EPHB2: variants seen among roughly 807,000 people sequenced by gnomAD.
EPHB2 encodes ephrin type-B receptor 2.
Under a neutral mutation model 96.4 loss-of-function variants are expected in EPHB2, and 18 were observed. The observed-to-expected ratio is 0.19, with a 90% CI of 0.13 to 0.28. The LOEUF (loss-of-function observed/expected upper bound fraction) is 0.28. EPHB2 is among the 10% of genes least tolerant of loss of function. The pLI is 1.00. For synonymous variants in EPHB2, 506 were observed against 534.1 expected (o/e 0.95, Z 0.72); for missense variants, 989 against 1,355.4 (o/e 0.73, Z 4.25).
chr1:22,891,415 A>G (rs1049271156), intron 6 of EPHB2: 32 of 351,300 alleles, frequency 9.1e-5, no homozygotes, highest in African/African-American at 6.6e-4. Context: ...CAGGAGCTTC[A>G]TGATCTTCAA....
chr1:22,802,986 G>A (rs997626899), intron 3 of EPHB2, among the ~76,000 whole-genome samples: 1 of 152,128 alleles, frequency 6.6e-6, no homozygotes, highest in Non-Finnish European at 1.5e-5. Flanking sequence ...GGACCCACTG[G>A]GGAGACTAGG....
intron 1 of EPHB2, among the ~76,000 whole-genome samples, chr1:22,712,112 A>G (rs534729885): frequency 1.3e-5 from 2 of 152,346 alleles, no homozygotes; most frequent in Non-Finnish European, 2.9e-5. Context: ...TTGACAAGGT[A>G]CTTTAAGCTT....
At position 22,880,659 on chromosome 1, in the gene EPHB2, T is replaced by TC. The variant is rs1452873267; in HGVS notation, c.1304-1695dup. On this transcript the variant is annotated intron_variant, in intron 5 of 15. Transcript: ENST00000374630. ...TGCAGACCTGGGTCCAAATCCCGGCTCCCCCACTGACTGTGTGATCTCAGG... is the reference window on the plus strand; with the variant it reads ...TGCAGACCTGGGTCCAAATCCCGGCTCCCCCCACTGACTGTGTGATCTCAGG... Among the ~76,000 whole-genome samples, 5 of 152,200 alleles carry TC rather than the reference T, an allele frequency of 3.3e-5. No homozygotes were observed. The East Asian group carries it at 9.7e-4, about 29-fold the overall frequency.
chr1:22,871,347 A>G (rs575885545), intron 5 of EPHB2, among the ~76,000 whole-genome samples: 1 of 152,230 alleles, frequency 6.6e-6, no homozygotes, highest in African/African-American at 2.4e-5. Flanking sequence ...GCCCCCTGTA[A>G]TTAACAGGGT....
At chr1:22,877,728 C>G (rs558660020) in intron 5 of EPHB2, among the ~76,000 whole-genome samples, 27 of 152,342 alleles carry the variant, frequency 1.8e-4, no homozygotes, top group Admixed American at 8.5e-4. Flanking sequence ...GCTCCTGGCT[C>G]TAGTCCAGCT....
intron 3 of EPHB2, among the ~76,000 whole-genome samples, chr1:22,828,227 G>A (rs1437889034): frequency 6.6e-6 from 1 of 152,152 alleles, no homozygotes; most frequent in African/African-American, 2.4e-5. Flanking sequence ...ACCACCAGGG[G>A]CTGAGCTCCT....
chr1:22,767,929 A>G (rs1261193507), intron 1 of EPHB2, among the ~76,000 whole-genome samples: 1 of 152,214 alleles, frequency 6.6e-6, no homozygotes, highest in Admixed American at 6.5e-5. Flanking sequence ...CCTGAGAAAC[A>G]TCGACATGCG....
intron 5 of EPHB2, among the ~76,000 whole-genome samples, chr1:22,870,697 C>A (rs1049086654): frequency 6.6e-6 from 1 of 152,192 alleles, no homozygotes; most frequent in Non-Finnish European, 1.5e-5. Context: ...CGGACACAGC[C>A]TAAGCCCTTT....
At chr1:22,772,084 C>T (rs998997542) in intron 1 of EPHB2, among the ~76,000 whole-genome samples, 5 of 151,940 alleles carry the variant, frequency 3.3e-5, no homozygotes, top group Non-Finnish European at 7.4e-5. Context: ...CCAGCAACCC[C>T]GTCCCAGACC....
intron 3 of EPHB2, among the ~76,000 whole-genome samples, chr1:22,854,071 C>T (rs1450114979): frequency 3.3e-5 from 5 of 152,182 alleles, no homozygotes; most frequent in East Asian, 1.9e-4. Flanking sequence ...TGGGAGCTAC[C>T]GGCCCTGAGG....
intron 14 of EPHB2, 76 bp downstream of exon 14, chr1:22,910,651 C>G: frequency 6.5e-7 from 1 of 1,545,276 alleles, no homozygotes; most frequent in Admixed American, 1.8e-5. Flanking sequence ...GCCCCCACTT[C>G]AGGCAAATGC....
intron 1 of EPHB2, among the ~76,000 whole-genome samples, chr1:22,725,507 G>A (rs1185050315): frequency 1.3e-5 from 2 of 151,860 alleles, no homozygotes; most frequent in Admixed American, 6.6e-5. Context: ...TTCTCCCCCC[G>A]AGACTCCCTT....
chr1:22,785,282 A>T (rs947485279), intron 3 of EPHB2, among the ~76,000 whole-genome samples: 5 of 152,240 alleles, frequency 3.3e-5, no homozygotes, highest in African/African-American at 1.2e-4. Flanking sequence ...CGATCCGCGC[A>T]CATGCCGCAG....
At chr1:22,911,053 T>C (rs973243863) in intron 14 of EPHB2, among the ~76,000 whole-genome samples, 1 of 151,898 alleles carries the variant, frequency 6.6e-6, no homozygotes, top group African/African-American at 2.4e-5. Context: ...GGCAGGAGAA[T>C]CGCTTGAACC....
chr1:22,748,678 C>T (rs1044720678), intron 1 of EPHB2, among the ~76,000 whole-genome samples: 1 of 151,612 alleles, frequency 6.6e-6, no homozygotes, highest in Middle Eastern at 3.4e-3. Flanking sequence ...CTGCGCCCAG[C>T]TCTGGGTCCT....
At chr1:22,749,884 A>T (rs1024998157) in intron 1 of EPHB2, among the ~76,000 whole-genome samples, 2 of 148,232 alleles carry the variant, frequency 1.3e-5, no homozygotes, top group South Asian at 4.3e-4. Context: ...TGAGGAGGGG[A>T]TACATGAAGT....
chr1:22,855,779 C>A (rs769743153), intron 3 of EPHB2, among the ~76,000 whole-genome samples: 1 of 152,164 alleles, frequency 6.6e-6, no homozygotes, highest in African/African-American at 2.4e-5. Flanking sequence ...CAAATATAAT[C>A]AATATTATTA....
intron 1 of EPHB2, chr1:22,775,341 G>A: frequency 2.7e-6 from 2 of 751,334 alleles, no homozygotes; most frequent in South Asian, 1.4e-5. Context: ...GCATTTAGAG[G>A]GCCCTGGCCA....
intron 1 of EPHB2, among the ~76,000 whole-genome samples, chr1:22,716,642 G>A (rs1643302697): frequency 6.6e-6 from 1 of 152,176 alleles, no homozygotes; most frequent in African/African-American, 2.4e-5. Flanking sequence ...CCCTGCCTGG[G>A]ACAGATTCTA....
Sources: allele counts gnomAD v4.1 joint callset (sites outside exome capture counted in the v4.1 genomes callset), GRCh38; gene constraint gnomAD v4.1.1; transcripts MANE v1.5; gene names NCBI Gene and HGNC (gene_info 2026-07-23, HGNC 2026-07-21).